SP4: variants seen among roughly 807,000 people sequenced by gnomAD.
SP4 encodes Sp4 transcription factor.
Under a neutral mutation model 72.8 loss-of-function variants are expected in SP4, and 19 were observed. That is an observed-to-expected ratio of 0.26 (90% CI 0.18 to 0.38). SP4 has a LOEUF of 0.38. Ranked by LOEUF, SP4 falls within the 10% of genes least tolerant of loss-of-function variation. The pLI is 1.00. For missense variants in SP4, 1,008 were observed against 926.3 expected (o/e 1.09, Z -1.14); for synonymous variants, 395 against 333.1 (o/e 1.19, Z -2.02).
chr7:21,488,894 A>G (rs1027170556), intron 5 of SP4, among the ~76,000 whole-genome samples: 1 of 152,208 alleles, frequency 6.6e-6, no homozygotes, highest in African/African-American at 2.4e-5. Flanking sequence ...TACTTTGTGA[A>G]TATTTTATTG....
intron 3 of SP4, among the ~76,000 whole-genome samples, chr7:21,473,105 C>T (rs973223262): frequency 6.6e-6 from 1 of 152,050 alleles, no homozygotes; most frequent in East Asian, 1.9e-4. Flanking sequence ...TTTCTGGCAG[C>T]AGTGTGAAGG....
intron 3 of SP4, among the ~76,000 whole-genome samples, chr7:21,433,637 C>T (rs1379762010): frequency 6.6e-6 from 1 of 151,540 alleles, no homozygotes; most frequent in Non-Finnish European, 1.5e-5. Flanking sequence ...TTTGGCTTTG[C>T]ATTTGTAAGA....
intron 3 of SP4, among the ~76,000 whole-genome samples, chr7:21,446,728 A>G (rs757429): frequency 0.067 from 10,218 of 152,102 alleles, 416 homozygotes; most frequent in Admixed American, 0.092. Context: ...GAAAAATACT[A>G]TTTACTAATA....
intron 3 of SP4, among the ~76,000 whole-genome samples, chr7:21,451,435 A>G (rs986577267): frequency 6.6e-6 from 1 of 152,142 alleles, no homozygotes; most frequent in Non-Finnish European, 1.5e-5. Flanking sequence ...TACCTACTGT[A>G]ACATTTCCTC....
intron 3 of SP4, among the ~76,000 whole-genome samples, chr7:21,461,993 G>T (rs1249218359): frequency 2.0e-5 from 3 of 151,596 alleles, no homozygotes; most frequent in Non-Finnish European, 4.4e-5. Context: ...TAGGGGACAG[G>T]AAGTTTCATT....
intron 5 of SP4, among the ~76,000 whole-genome samples, chr7:21,490,445 A>G (rs955554380): frequency 6.6e-6 from 1 of 152,220 alleles, no homozygotes; most frequent in African/African-American, 2.4e-5. Context: ...GAACTAGAAA[A>G]TAGAGTCTGT....
intron 4 of SP4, among the ~76,000 whole-genome samples, chr7:21,477,661 C>G (rs1562614192): frequency 6.6e-6 from 1 of 151,738 alleles, no homozygotes; most frequent in Admixed American, 6.6e-5. Context: ...CTCAGCCTTC[C>G]GAGTAGCTGG....
intron 4 of SP4, among the ~76,000 whole-genome samples, chr7:21,479,842 T>C (rs1390890099): frequency 2.6e-5 from 4 of 152,216 alleles, no homozygotes; most frequent in East Asian, 1.9e-4. Context: ...TTTTGTACTT[T>C]TGTTAAATTC....
chr7:21,482,023 C>A lies in SP4; in HGVS notation c.2007C>A (p.Arg669=). 6.2e-7 allele frequency: 1 copy of A among 1,613,852 alleles called. No homozygotes were observed. Among genetic ancestry groups the A allele is most frequent in the South Asian group, 1.1e-5 (1 of 91,080 alleles). Residue 669 remains arginine (R), a synonymous_variant, in exon 5 of 6, where the codon CGC becomes CGA. Transcript: ENST00000222584. ...GKTSHLRAHL[R]WHTGERPFIC... is the part of the protein sequence containing the mutation. ...CATCTCATTTACGAGCACATCTTCG[C>A]TGGCATACTGGAGAAAGACCTTTTA...
At chr7:21,470,356 TG>T (rs1453856495) in intron 3 of SP4, among the ~76,000 whole-genome samples, 2 of 152,202 alleles carry the variant, frequency 1.3e-5, no homozygotes, top group African/African-American at 2.4e-5. Context: ...TGGAGTGAGA[TG>T]GTGTCTTACT....
intron 2 of SP4, 30 bp from the exon 3 acceptor site, chr7:21,429,259 C>G (rs773149783): frequency 2.2e-5 from 29 of 1,315,492 alleles, no homozygotes; most frequent in South Asian, 1.2e-4. Context: ...TTTCCCCCCC[C>G]CCTCTCCTTT....
chr7:21,435,490 G>A (rs987004824), intron 3 of SP4, among the ~76,000 whole-genome samples: 1 of 151,876 alleles, frequency 6.6e-6, no homozygotes, highest in Non-Finnish European at 1.5e-5. Context: ...TTTTTCCAGA[G>A]CTACTAAAGG....
rs370707080 is a variant in SP4 at position 21,477,123 on chromosome 7, A to G, written c.1723A>G (p.Ile575Val). 20 of 1,614,156 alleles carry G rather than the reference A, an allele frequency of 1.2e-5. No homozygotes were observed. In the African/African-American group the frequency reaches 2.1e-4, roughly 17 times the overall value. ...QDGVKVQQAT[I>V]APVTVAVGGI... is the part of the protein sequence containing the mutation. ...TGGAGTAAAAGTCCAGCAAGCTACTATAGCTCCTGTAACTGTAGCAGTTGG... is the reference window on the plus strand; with the variant it reads ...TGGAGTAAAAGTCCAGCAAGCTACTGTAGCTCCTGTAACTGTAGCAGTTGG... The change falls in exon 4 of 6, where the codon ATA becomes GTA. Residue 575 changes from isoleucine (I) to valine (V), a missense_variant. Transcript: ENST00000222584.
At chr7:21,428,306 C>G (rs377673090) in intron 1 of SP4, 48 bp downstream of exon 1, 3 of 1,020,634 alleles carry the variant, frequency 2.9e-6, no homozygotes, top group Non-Finnish European at 4.5e-6. Context: ...CTCCCTCTCT[C>G]CCTCCCTCCC....
chr7:21,445,227 A>G (rs1192734084), intron 3 of SP4, among the ~76,000 whole-genome samples: 1 of 151,908 alleles, frequency 6.6e-6, no homozygotes, highest in East Asian at 1.9e-4. Flanking sequence ...TTTTGTTTTC[A>G]TTAATAGTTG....
intron 3 of SP4, among the ~76,000 whole-genome samples, chr7:21,449,560 T>G (rs145514406): frequency 6.6e-6 from 1 of 152,246 alleles, no homozygotes; most frequent in Non-Finnish European, 1.5e-5. Context: ...TATGTACATA[T>G]GTTTAAGTAT....
intron 5 of SP4, among the ~76,000 whole-genome samples, chr7:21,484,438 T>C (rs1415922570): frequency 6.6e-6 from 1 of 151,904 alleles, no homozygotes; most frequent in African/African-American, 2.4e-5. Flanking sequence ...GCAATTTGGA[T>C]TTTAGATTTT....
intron 3 of SP4, among the ~76,000 whole-genome samples, chr7:21,458,977 G>A (rs900327399): frequency 2.6e-5 from 4 of 152,176 alleles, no homozygotes; most frequent in Admixed American, 6.5e-5. Context: ...CCTAAACTAT[G>A]CAGCTATTTT....
At position 21,514,021 on chromosome 7, in the gene SP4, C is replaced by T. The variant is rs1483035734; in HGVS notation, c.*2752C>T. 1 of 152,584 alleles carries T rather than the reference C, an allele frequency of 6.6e-6. No homozygotes were observed. The highest frequency in any genetic ancestry group is 1.5e-5 in the Non-Finnish European group (1 of 68,010). The allele number at this position is 152,584 out of a possible 1,614,324, so 9.5% of individuals were successfully genotyped here. A position where few individuals can be genotyped will look rare whatever the true frequency, so the allele number is the denominator to read the frequency against. On this transcript the variant is annotated 3_prime_UTR_variant, in exon 6 of 6. Coordinates refer to ENST00000222584, the MANE Select transcript of SP4 (RefSeq NM_003112.5). Reference sequence around the variant, plus strand: ...TCTTGTTTAATGGCATTTCACTGTTCATTCCCTTTACCACCGTTATAAAAC... The same window carrying T: ...TCTTGTTTAATGGCATTTCACTGTTTATTCCCTTTACCACCGTTATAAAAC...
Sources: gnomAD v4.1 joint callset for allele counts (sites outside exome capture counted in the v4.1 genomes callset) on GRCh38, gnomAD v4.1.1 for gene constraint, MANE v1.5 for transcripts, NCBI Gene and HGNC (gene_info 2026-07-23, HGNC 2026-07-21) for gene names.